Variants in MYLK4 observed in about 807,000 individuals in gnomAD.
MYLK4 encodes caMLCK like.
MYLK4 carries 46 observed loss-of-function variants against 48.1 expected under a neutral mutation model. The observed-to-expected ratio is 0.96, with a 90% confidence interval of 0.75 to 1.22. MYLK4 has a LOEUF of 1.22. MYLK4 is among the 50% of genes most tolerant of loss of function. The pLI, the probability that MYLK4 is intolerant of heterozygous loss-of-function variation, is 0.00. For synonymous variants in MYLK4, 170 were observed against 180.8 expected, an observed-to-expected ratio of 0.94 and a Z score of 0.48; for missense variants, 451 against 486.1, an observed-to-expected ratio of 0.93 and a Z score of 0.68.
the MYLK4 span, chr6:2,766,110 A>C: frequency 7.7e-7 from 1 of 1,304,458 alleles, no homozygotes; most frequent in Non-Finnish European, 9.7e-7. Flanking sequence ...GCGGAGGCGC[A>C]GGAGGAGGAG....
chr6:2,737,276 G>A (rs1561877400), intron 2 of MYLK4, among the ~76,000 whole-genome samples: 1 of 152,250 alleles, frequency 6.6e-6, no homozygotes, highest in Non-Finnish European at 1.5e-5. Context: ...TCGTGCCACC[G>A]CACTCCAGCC....
intron 2 of MYLK4, among the ~76,000 whole-genome samples, chr6:2,737,181 C>T (rs905717404): frequency 9.2e-5 from 14 of 152,210 alleles, no homozygotes; most frequent in Non-Finnish European, 1.8e-4. Flanking sequence ...CGCGTGGTGG[C>T]GCCCGCCTGT....
chr6:2,719,612 A>G (rs549753631), intron 2 of MYLK4, among the ~76,000 whole-genome samples: 1 of 152,318 alleles, frequency 6.6e-6, no homozygotes, highest in South Asian at 2.1e-4. Context: ...AAATGGCATG[A>G]TATATCTCAC....
chr6:2,769,665 C>T, the MYLK4 span, among the ~76,000 whole-genome samples: 1 of 152,012 alleles, frequency 6.6e-6, no homozygotes, highest in Non-Finnish European at 1.5e-5. Flanking sequence ...TATTTTTTCC[C>T]CATAAAACAG....
At chr6:2,690,869 G>A (rs939957840) in intron 3 of MYLK4, among the ~76,000 whole-genome samples, 6 of 116,632 alleles carry the variant, frequency 5.1e-5, no homozygotes, top group African/African-American at 1.4e-4. Flanking sequence ...TCGCTCTGTC[G>A]CCCAGGCTGG....
At chr6:2,750,129 A>G (rs1764240683) in intron 1 of MYLK4, among the ~76,000 whole-genome samples, 3 of 152,210 alleles carry the variant, frequency 2.0e-5, no homozygotes, top group Admixed American at 6.5e-5. Context: ...GGAGAGGGAG[A>G]GACATTTGAA....
chr6:2,749,892 T>A (rs906493998), intron 1 of MYLK4, among the ~76,000 whole-genome samples: 3 of 152,232 alleles, frequency 2.0e-5, no homozygotes, highest in African/African-American at 4.8e-5. Flanking sequence ...TGTTTATTTG[T>A]GAAAAGAAAT....
intron 2 of MYLK4, among the ~76,000 whole-genome samples, chr6:2,699,849 T>C (rs1480299084): frequency 6.6e-6 from 1 of 152,180 alleles, no homozygotes; most frequent in Non-Finnish European, 1.5e-5. Flanking sequence ...ACCCCTAACA[T>C]CTACTGGCCA....
Position 2,685,651 on chromosome 6 carries a change from G to T in MYLK4, c.342-75C>A. 1.5e-6 allele frequency: 2 copies of T among 1,347,600 alleles called. No individual in the cohort carries two copies. The highest frequency in any genetic ancestry group is 2.1e-6 in the Non-Finnish European group (2 of 946,068). The allele number at this position is 1,347,600 out of a possible 1,614,324, so 83.5% of individuals were successfully genotyped here. A position where few individuals can be genotyped will look rare whatever the true frequency, so the allele number is the denominator to read the frequency against. ...GAGTGGACAGCGCACAGTGGCCCCA[G>T]TATTTCTCCTGCTGAGTCTGGATGA... On this transcript the variant is annotated intron_variant, in intron 4 of 12. Transcript: ENST00000274643. The surrounding 1 kb of genome is among the most constrained non-coding windows in gnomAD (Gnocchi z 4.5).
chr6:2,765,088 G>A, the MYLK4 span, among the ~76,000 whole-genome samples: 5 of 151,696 alleles, frequency 3.3e-5, no homozygotes, highest in South Asian at 8.3e-4. Flanking sequence ...GCAGTCCGTG[G>A]CTCCTCCCTG....
At chr6:2,755,954 G>T in the MYLK4 span, among the ~76,000 whole-genome samples, 1 of 152,132 alleles carries the variant, frequency 6.6e-6, no homozygotes, top group Non-Finnish European at 1.5e-5. Flanking sequence ...GCCATTATTC[G>T]TGATATTAAA....
chr6:2,728,214 C>G (rs990684799), intron 2 of MYLK4, among the ~76,000 whole-genome samples: 1 of 152,308 alleles, frequency 6.6e-6, no homozygotes, highest in Non-Finnish European at 1.5e-5. Context: ...AGACATTGGG[C>G]AGCAAATACT....
chr6:2,678,159 G>T (rs1761150119), intron 10 of MYLK4, 61 bp downstream of exon 10: 2 of 1,572,846 alleles, frequency 1.3e-6, no homozygotes, highest in Admixed American at 1.8e-5. Context: ...CAGCCCTGGT[G>T]GTAGGCCCTG....
At chr6:2,749,077 A>T in intron 2 of MYLK4, 59 bp downstream of exon 2, 2 of 1,510,840 alleles carry the variant, frequency 1.3e-6, no homozygotes, top group Non-Finnish European at 1.8e-6. Flanking sequence ...GCTCCATGAC[A>T]TTAGAAAAGA....
At chr6:2,760,803 A>C in the MYLK4 span, among the ~76,000 whole-genome samples, 1 of 152,222 alleles carries the variant, frequency 6.6e-6, no homozygotes, top group Non-Finnish European at 1.5e-5. Context: ...TTCTACTTAC[A>C]ATAGTAAGGA....
At chr6:2,763,366 C>T in the MYLK4 span, among the ~76,000 whole-genome samples, 2 of 152,248 alleles carry the variant, frequency 1.3e-5, no homozygotes, top group African/African-American at 2.4e-5. Flanking sequence ...GGTGAACGGC[C>T]CTGGGTGCCG....
rs1760709828 is a variant in MYLK4, at chr6:2,667,649, A to T, written c.*276T>A. On this transcript the variant is annotated 3_prime_UTR_variant, in exon 13 of 13. Transcript: ENST00000274643. ...AAAAAATTTTTTTAAAAAAGTAAAA[A>T]ATCTCAAGATGGCAGGGAAACATCT... is the stretch of plus-strand genomic sequence containing the variant. The T allele has an allele frequency of 6.6e-6, 1 of 152,586 alleles. No homozygotes were observed. The highest frequency in any genetic ancestry group is 2.4e-5 in the African/African-American group (1 of 41,400). The allele number at this position is 152,586 out of a possible 1,614,324, so 9.5% of individuals were successfully genotyped here. A position where few individuals can be genotyped will look rare whatever the true frequency, so the allele number is the denominator to read the frequency against.
chr6:2,725,596 A>AG, intron 2 of MYLK4, among the ~76,000 whole-genome samples: 1 of 144,834 alleles, frequency 6.9e-6, no homozygotes, highest in Admixed American at 6.8e-5. Context: ...AGAAAGAAAG[A>AG]AAGAAAGAAA....
chr6:2,735,583 G>T (rs1259091487), intron 2 of MYLK4, among the ~76,000 whole-genome samples: 2 of 152,152 alleles, frequency 1.3e-5, no homozygotes, highest in Admixed American at 1.3e-4. Context: ...TCATGTGAAG[G>T]ATACAAAGAA....
Sources: gnomAD v4.1 joint callset for allele counts (sites outside exome capture counted in the v4.1 genomes callset) on GRCh38, gnomAD v4.1.1 for gene constraint, Gnocchi (gnomAD v3.1) non-coding constraint, MANE v1.5 for transcripts, NCBI Gene and HGNC (gene_info 2026-07-23, HGNC 2026-07-21) for gene names.